Variants in PTPRD observed in about 807,000 individuals in gnomAD.
The protein encoded by PTPRD is receptor-type tyrosine-protein phosphatase delta.
PTPRD carries 34 observed loss-of-function variants against 214.5 expected under a neutral mutation model. That is an observed-to-expected ratio of 0.16 (90% CI 0.12 to 0.21). PTPRD has a LOEUF of 0.21. Among genes scored for constraint, PTPRD ranks in the 10% least tolerant of loss-of-function variants. The pLI, the probability that PTPRD is intolerant of heterozygous loss-of-function variation, is 1.00. For missense variants in PTPRD, 2,545 were observed against 2,398.7 expected (o/e 1.06, Z -1.27); for synonymous variants, 1,128 against 845.7 (o/e 1.33, Z -5.79).
chr9:10,331,161 T>A (rs577100090), intron 3 of PTPRD, among the ~76,000 whole-genome samples: 4 of 151,870 alleles, frequency 2.6e-5, no homozygotes, highest in East Asian at 1.9e-4. Context: ...AATGCCATAG[T>A]TTGTATCATC....
At chr9:9,761,823 C>T (rs2154476054) in intron 6 of PTPRD, among the ~76,000 whole-genome samples, 1 of 152,244 alleles carries the variant, frequency 6.6e-6, no homozygotes, top group South Asian at 2.1e-4. Flanking sequence ...GAATTAGTCC[C>T]AATTGCCTAC....
chr9:9,470,292 C>G (rs1421114160), intron 8 of PTPRD, among the ~76,000 whole-genome samples: 1 of 152,112 alleles, frequency 6.6e-6, no homozygotes, highest in African/African-American at 2.4e-5. Context: ...TTGGCTGTTT[C>G]TGAAACCTAC....
At chr9:9,381,823 C>CT (rs1318458554) in intron 9 of PTPRD, among the ~76,000 whole-genome samples, 1 of 150,246 alleles carries the variant, frequency 6.7e-6, no homozygotes, top group Non-Finnish European at 1.5e-5. Context: ...CAGCTTATGT[C>CT]TTTTTTTCCC....
At chr9:9,992,222 A>G (rs559166824) in intron 4 of PTPRD, among the ~76,000 whole-genome samples, 256 of 152,338 alleles carry the variant, frequency 1.7e-3, no homozygotes, top group African/African-American at 5.5e-3. Flanking sequence ...TGTGTTTTCA[A>G]TGATTGAACT....
chr9:10,312,083 A>C (rs368762809), intron 3 of PTPRD, among the ~76,000 whole-genome samples: 130 of 152,120 alleles, frequency 8.5e-4, no homozygotes, highest in African/African-American at 2.9e-3. Context: ...ACTTAAAAAA[A>C]TAAAAACAAC....
intron 9 of PTPRD, among the ~76,000 whole-genome samples, chr9:9,292,493 A>G (rs1269616520): frequency 1.3e-5 from 2 of 151,444 alleles, no homozygotes; most frequent in Admixed American, 6.6e-5. Context: ...TAACAGAAAA[A>G]TTATGAAGAT....
intron 10 of PTPRD, among the ~76,000 whole-genome samples, chr9:9,079,156 T>A (rs2099755433): frequency 6.6e-6 from 1 of 152,074 alleles, no homozygotes. Context: ...TTATTCTTGC[T>A]ATCTAGATGT....
chr9:10,566,408 G>A (rs2065620535), intron 2 of PTPRD, among the ~76,000 whole-genome samples: 1 of 151,944 alleles, frequency 6.6e-6, no homozygotes, highest in Non-Finnish European at 1.5e-5. Context: ...TTGTTTTACA[G>A]TCTTAGTAAT....
At chr9:9,285,797 C>G (rs1219009675) in intron 9 of PTPRD, among the ~76,000 whole-genome samples, 1 of 151,726 alleles carries the variant, frequency 6.6e-6, no homozygotes, top group Non-Finnish European at 1.5e-5. Flanking sequence ...AAATGAGATG[C>G]ATAATCTCAT....
intron 11 of PTPRD, among the ~76,000 whole-genome samples, chr9:8,797,422 T>C (rs1180130019): frequency 6.6e-6 from 1 of 152,234 alleles, no homozygotes; most frequent in Non-Finnish European, 1.5e-5. Flanking sequence ...GATTTGTTTA[T>C]TCGGTGCTAG....
chr9:9,093,099 T>C (rs2099778583), intron 10 of PTPRD, among the ~76,000 whole-genome samples: 1 of 152,018 alleles, frequency 6.6e-6, no homozygotes, highest in Non-Finnish European at 1.5e-5. Flanking sequence ...GGACATTGCA[T>C]AGTGATAAAT....
chr9:9,197,573 G>C (rs968145597), intron 9 of PTPRD, among the ~76,000 whole-genome samples: 1 of 152,140 alleles, frequency 6.6e-6, no homozygotes, highest in Non-Finnish European at 1.5e-5. Context: ...ACCACACCCA[G>C]ATGATTTCTG....
intron 2 of PTPRD, among the ~76,000 whole-genome samples, chr9:10,578,996 G>T (rs2070686724): frequency 6.6e-6 from 1 of 151,988 alleles, no homozygotes; most frequent in African/African-American, 2.4e-5. Flanking sequence ...ATGGTGATTT[G>T]CTGCACCTCT....
At chr9:9,310,161 C>G (rs1274061575) in intron 9 of PTPRD, among the ~76,000 whole-genome samples, 1 of 152,082 alleles carries the variant, frequency 6.6e-6, no homozygotes, top group Non-Finnish European at 1.5e-5. Context: ...TAGGTCGTTA[C>G]TGTTTTGGAT....
At chr9:10,517,349 T>A (rs984332650) in intron 2 of PTPRD, among the ~76,000 whole-genome samples, 1 of 152,068 alleles carries the variant, frequency 6.6e-6, no homozygotes, top group Non-Finnish European at 1.5e-5. Flanking sequence ...ATTGTTTTCA[T>A]AATAAATTTT....
At chr9:10,302,538 C>A (rs1033221860) in intron 3 of PTPRD, among the ~76,000 whole-genome samples, 12 of 152,152 alleles carry the variant, frequency 7.9e-5, no homozygotes, top group South Asian at 2.1e-4. Flanking sequence ...TGCAAAGACA[C>A]ACATATGCTC....
intron 36 of PTPRD, among the ~76,000 whole-genome samples, chr9:8,389,885 T>C (rs115015998): frequency 6.6e-6 from 1 of 152,104 alleles, no homozygotes; most frequent in Non-Finnish European, 1.5e-5. Context: ...ATAAACTCAT[T>C]TAATATTTAC....
rs977552499 is a variant in PTPRD at position 9,386,849 on chromosome 9, A to G, written c.-203+10600T>C. Among the ~76,000 whole-genome samples, 6 of 152,260 alleles carry G rather than the reference A, an allele frequency of 3.9e-5. No individual in the cohort carries two copies. In the East Asian group the frequency reaches 1.2e-3, roughly 30 times the overall value. On this transcript the variant is annotated intron_variant, in intron 9 of 45. Coordinates refer to ENST00000381196, the MANE Select transcript of PTPRD (RefSeq NM_002839.4). ...GATGTACTCTGGTATTTTATGAAAT[A>G]AAAGGGAACTGAAGGTCCATCTCAG... is the stretch of plus-strand genomic sequence containing the variant.
chr9:9,967,915 T>C (rs1021736152), intron 4 of PTPRD, among the ~76,000 whole-genome samples: 2 of 152,156 alleles, frequency 1.3e-5, no homozygotes, highest in Non-Finnish European at 2.9e-5. Context: ...TATATACTGA[T>C]ATTATGATAC....
Sources: gnomAD v4.1 joint callset for allele counts (sites outside exome capture counted in the v4.1 genomes callset) on GRCh38, gnomAD v4.1.1 for gene constraint, MANE v1.5 for transcripts, NCBI Gene and HGNC (gene_info 2026-07-23, HGNC 2026-07-21) for gene names.